The following QNG1 variants were observed in gnomAD, a reference collection of about 807,000 sequenced individuals.
QNG1 encodes the protein Q-nucleotide N-glycosylase 1, also known as queuosine 5'-phosphate N-glycosylase/hydrolase.
the QNG1 span, among the ~76,000 whole-genome samples, chr9:83,954,655 G>A: frequency 5.9e-5 from 9 of 151,934 alleles, no homozygotes; most frequent in African/African-American, 1.9e-4. Context: ...ACCGAGGTGG[G>A]TGGATCACGA....
the QNG1 span, chr9:83,944,753 A>G: frequency 6.8e-7 from 1 of 1,469,472 alleles, no homozygotes; most frequent in African/African-American, 1.4e-5. Flanking sequence ...CCGAGATCCA[A>G]CAATTCATAG....
the QNG1 span, among the ~76,000 whole-genome samples, chr9:83,946,241 G>A: frequency 6.6e-6 from 1 of 151,848 alleles, no homozygotes; most frequent in African/African-American, 2.4e-5. Context: ...AGTGGCAGAG[G>A]TTGCAGTGAG....
the QNG1 span, chr9:83,938,850 C>A: frequency 2.7e-3 from 416 of 152,188 alleles, 1 homozygote; most frequent in Non-Finnish European, 4.7e-3. Flanking sequence ...CTCAAGCAAT[C>A]CACCCTCCTC....
the QNG1 span, chr9:83,956,779 T>G: frequency 2.7e-6 from 1 of 366,084 alleles, no homozygotes; most frequent in South Asian, 9.0e-5. Flanking sequence ...TCGGGCGCGC[T>G]CTCAGGCTCC....
At chr9:83,949,095 T>TA in the QNG1 span, among the ~76,000 whole-genome samples, 2,142 of 121,108 alleles carry the variant, frequency 0.018, 33 homozygotes, top group African/African-American at 0.043. Flanking sequence ...CAATAAATAC[T>TA]AAAAAAAAAA....
the QNG1 span, among the ~76,000 whole-genome samples, chr9:83,953,173 C>G: frequency 6.6e-6 from 1 of 151,938 alleles, no homozygotes; most frequent in African/African-American, 2.4e-5. Context: ...GAGACTGAGG[C>G]AGGAGAATCA....
At chr9:83,954,299 T>C in the QNG1 span, among the ~76,000 whole-genome samples, 156 of 152,190 alleles carry the variant, frequency 1.0e-3, 3 homozygotes, top group South Asian at 0.031. Context: ...AAGGAGAACA[T>C]TACATGGAGG....
chr9:83,947,906 T>G, the QNG1 span, among the ~76,000 whole-genome samples: 1 of 152,288 alleles, frequency 6.6e-6, no homozygotes, highest in East Asian at 1.9e-4. Context: ...CTCAAAGTGC[T>G]GAGATTGCAG....
chr9:83,949,421 A>G, the QNG1 span, among the ~76,000 whole-genome samples: 1 of 152,164 alleles, frequency 6.6e-6, no homozygotes, highest in Admixed American at 6.5e-5. Flanking sequence ...AGGCGGGTGG[A>G]TCACCTGAGG....
chr9:83,956,378 C>G, the QNG1 span: 2 of 1,605,668 alleles, frequency 1.2e-6, no homozygotes, highest in Non-Finnish European at 1.7e-6. Context: ...GCAGCTCTGG[C>G]CCCGCCGCCT....
chr9:83,943,890 G>A, the QNG1 span, among the ~76,000 whole-genome samples: 9 of 152,096 alleles, frequency 5.9e-5, no homozygotes, highest in Non-Finnish European at 8.8e-5. Flanking sequence ...GTGTGGTGGC[G>A]GGCGCCTGTA....
chr9:83,949,558 A>G, the QNG1 span, among the ~76,000 whole-genome samples: 1 of 152,232 alleles, frequency 6.6e-6, no homozygotes, highest in Non-Finnish European at 1.5e-5. Context: ...AGGCAGGAGA[A>G]TCACTTGAAC....
chr9:83,956,325 G>T, the QNG1 span: 1 of 1,613,662 alleles, frequency 6.2e-7, no homozygotes, highest in African/African-American at 1.3e-5. Context: ...CTCGTCGGCC[G>T]CCCTGGGGTT....
At chr9:83,941,615 A>G in the QNG1 span, among the ~76,000 whole-genome samples, 1 of 152,168 alleles carries the variant, frequency 6.6e-6, no homozygotes, top group Non-Finnish European at 1.5e-5. Flanking sequence ...AGCAAGCAAG[A>G]AAAGAAGAGG....
At chr9:83,939,477 AG>A in the QNG1 span, 1 of 1,397,984 alleles carries the variant, frequency 7.2e-7, no homozygotes, top group South Asian at 1.2e-5. Flanking sequence ...TATAAAACGC[AG>A]GGGGTTTTCT....
At chr9:83,946,578 T>G in the QNG1 span, among the ~76,000 whole-genome samples, 1 of 152,154 alleles carries the variant, frequency 6.6e-6, no homozygotes, top group African/African-American at 2.4e-5. Flanking sequence ...CAAGCATTAG[T>G]GGGTTATAAT....
the QNG1 span, chr9:83,953,728 G>A: frequency 1.6e-6 from 2 of 1,219,854 alleles, no homozygotes; most frequent in African/African-American, 1.5e-5. Context: ...CGTAATCTCG[G>A]CTCACTGCAA....
chr9:83,939,902 G>A, the QNG1 span, among the ~76,000 whole-genome samples: 5 of 151,992 alleles, frequency 3.3e-5, no homozygotes, highest in African/African-American at 1.2e-4. Context: ...CAAAACTTTC[G>A]CACTGATTTT....
At chr9:83,939,373 AG>A in the QNG1 span, 1 of 650,592 alleles carries the variant, frequency 1.5e-6, no homozygotes, top group African/African-American at 1.8e-5. Context: ...TGCCCGGCCT[AG>A]GAAGTATTTT....
Sources: allele counts gnomAD v4.1 joint callset (sites outside exome capture counted in the v4.1 genomes callset), GRCh38; gene constraint gnomAD v4.1.1; transcripts MANE v1.5; gene names NCBI Gene and HGNC (gene_info 2026-07-23, HGNC 2026-07-21).